THEMIS: variants seen among roughly 807,000 people sequenced by gnomAD.
THEMIS encodes thymocyte selection associated.
Under a neutral mutation model 52.6 loss-of-function variants are expected in THEMIS, and 37 were observed. The ratio of observed to expected loss-of-function variants is 0.70; its 90% confidence interval spans 0.54 to 0.93. The LOEUF is 0.93. Ranked by LOEUF, THEMIS falls within the 40% of genes least tolerant of loss-of-function variation. The probability of loss-of-function intolerance (pLI) is 0.00; values close to 1 mark genes in which losing one functional copy is unlikely to be tolerated. For missense variants in THEMIS, 808 were observed against 763.1 expected (o/e 1.06, Z -0.69); for synonymous variants, 292 against 272.7 (o/e 1.07, Z -0.70).
intron 2 of THEMIS, among the ~76,000 whole-genome samples, chr6:127,851,547 T>TA (rs1779425855): frequency 6.6e-6 from 1 of 151,670 alleles, no homozygotes; most frequent in Non-Finnish European, 1.5e-5. Context: ...AACAGACACC[T>TA]CACCAAAGAA....
intron 1 of THEMIS, among the ~76,000 whole-genome samples, chr6:127,899,942 G>T (rs1208990245): frequency 6.8e-6 from 1 of 147,842 alleles, no homozygotes; most frequent in Non-Finnish European, 1.5e-5. Context: ...ATAAAAACTG[G>T]AGCTGACGTG....
At chr6:127,881,361 A>C (rs982281743) in intron 1 of THEMIS, among the ~76,000 whole-genome samples, 20 of 152,136 alleles carry the variant, frequency 1.3e-4, no homozygotes, top group African/African-American at 4.8e-4. Flanking sequence ...GCAGATAATA[A>C]AAAATAAAAT....
intron 4 of THEMIS, among the ~76,000 whole-genome samples, chr6:127,757,463 T>TA (rs1249251723): frequency 1.3e-5 from 2 of 152,108 alleles, no homozygotes; most frequent in Non-Finnish European, 2.9e-5. Flanking sequence ...GTGAAAGTGA[T>TA]ACATGTCACA....
At chr6:127,895,656 T>G (rs2114486838) in intron 1 of THEMIS, among the ~76,000 whole-genome samples, 1 of 151,630 alleles carries the variant, frequency 6.6e-6, no homozygotes, top group Admixed American at 6.6e-5. Flanking sequence ...TTTATTCTCT[T>G]GTTTAAATGA....
At chr6:127,905,158 C>T (rs1388507292), upstream of THEMIS, among the ~76,000 whole-genome samples, 1 of 151,910 alleles carries the variant, frequency 6.6e-6, no homozygotes, top group African/African-American at 2.4e-5. Flanking sequence ...GCCAACACCA[C>T]CAAGGAGGAT....
At chr6:127,868,751 T>G in intron 1 of THEMIS, among the ~76,000 whole-genome samples, 1 of 152,288 alleles carries the variant, frequency 6.6e-6, no homozygotes, top group Middle Eastern at 3.4e-3. Flanking sequence ...GTTTTTCATA[T>G]AGTGGTTGGC....
chr6:127,819,269 C>T (rs1044064153), intron 3 of THEMIS, among the ~76,000 whole-genome samples: 2 of 148,784 alleles, frequency 1.3e-5, no homozygotes, highest in Non-Finnish European at 3.0e-5. Context: ...ACTTACCAAA[C>T]CAAAAAAGAA....
At chr6:127,710,809 T>G (rs766656448) in intron 5 of THEMIS, among the ~76,000 whole-genome samples, 54 of 151,648 alleles carry the variant, frequency 3.6e-4, no homozygotes, top group Non-Finnish European at 6.8e-4. Context: ...AAACCAGAAA[T>G]CTCTCTGACC....
chr6:127,746,347 A>G (rs1389319852), intron 4 of THEMIS, among the ~76,000 whole-genome samples: 1 of 151,816 alleles, frequency 6.6e-6, no homozygotes, highest in Non-Finnish European at 1.5e-5. Flanking sequence ...AGGAGGAAGC[A>G]AAGAACAATT....
At chr6:127,889,947 T>G (rs761856036) in intron 1 of THEMIS, among the ~76,000 whole-genome samples, 4 of 152,070 alleles carry the variant, frequency 2.6e-5, no homozygotes, top group African/African-American at 4.8e-5. Flanking sequence ...GCAGGCCCTA[T>G]CAAGAAGAAA....
In THEMIS at chr6:127,760,683, C is replaced by T. The variant is rs1031592222; in HGVS notation, c.1759-40860G>A. The stretch of plus-strand genomic sequence containing the variant: ...TCTAGGTACTAGAGTGGCTGAGGCC[C>T]GGAGGATGATTTGGGACCAGGAGTT... On this transcript the variant is annotated intron_variant, in intron 4 of 5. Transcript: ENST00000368248. 1.2e-4 allele frequency among the ~76,000 whole-genome samples: 18 copies of T among 151,790 alleles called. 1 individual carries two copies. The highest frequency in any genetic ancestry group is 6.6e-5 in the Admixed American group (1 of 15,210).
chr6:127,868,088 A>T (rs1371220273), intron 1 of THEMIS, among the ~76,000 whole-genome samples: 1 of 152,164 alleles, frequency 6.6e-6, no homozygotes, highest in East Asian at 1.9e-4. Context: ...TAAAATAAAG[A>T]TAGTGCCTCA....
At chr6:127,857,628 G>C (rs1779661415) in intron 1 of THEMIS, among the ~76,000 whole-genome samples, 1 of 152,028 alleles carries the variant, frequency 6.6e-6, no homozygotes, top group Non-Finnish European at 1.5e-5. Flanking sequence ...TTTAAGGACA[G>C]GTCATTTGTA....
rs944563357 is a variant in THEMIS, at chr6:127,809,360, T to G, written c.1758+3523A>C. 4.6e-5 allele frequency among the ~76,000 whole-genome samples: 7 copies of G among 152,154 alleles called. No individual in the cohort carries two copies. The East Asian group carries it at 1.3e-3, about 29-fold the overall frequency. ...TGACTTTGTGAGAATAAGAAATATT[T>G]GCAAAATTTTTGGAGTAGATTATGA... is the stretch of plus-strand genomic sequence containing the variant. On this transcript the variant is annotated intron_variant, in intron 4 of 5. Transcript: ENST00000368248.
intron 4 of THEMIS, among the ~76,000 whole-genome samples, chr6:127,784,587 CAG>C (rs1416780893): frequency 6.6e-5 from 10 of 152,114 alleles, no homozygotes; most frequent in Non-Finnish European, 1.5e-4. Flanking sequence ...GCAGGCCAAT[CAG>C]GGGAAACAAA....
At chr6:127,778,607 G>C (rs1028827015) in intron 4 of THEMIS, among the ~76,000 whole-genome samples, 27 of 152,188 alleles carry the variant, frequency 1.8e-4, no homozygotes, top group African/African-American at 6.5e-4. Context: ...CCCATTTAAA[G>C]CAGGCAGACA....
At position 127,829,894 on chromosome 6, in the gene THEMIS, A is replaced by G. The variant is rs1187290132; in HGVS notation, c.291T>C (p.Thr97=). ...GAATGGTCCTTGTGATTTCTTCCAT[A>G]GTAAGGTATGGAGTTTTATCAGCCA... ...KIVADKTPYL[T]MEEITRTIHI... Residue 97 remains threonine, a synonymous_variant, in exon 3 of 6, where the codon ACT becomes ACC. Transcript: ENST00000368248. 2 of 1,613,858 alleles carry G rather than the reference A, an allele frequency of 1.2e-6. No individual in the cohort carries two copies. Among genetic ancestry groups the G allele is most frequent in the Non-Finnish European group, 1.7e-6 (2 of 1,179,916 alleles).
chr6:127,825,518 C>G (rs946494284), intron 3 of THEMIS, among the ~76,000 whole-genome samples: 2 of 152,064 alleles, frequency 1.3e-5, no homozygotes, highest in Non-Finnish European at 2.9e-5. Flanking sequence ...ATTCATGCAC[C>G]GTTCTCAGGA....
At chr6:127,755,758 C>T (rs562561124) in intron 4 of THEMIS, among the ~76,000 whole-genome samples, 17 of 152,154 alleles carry the variant, frequency 1.1e-4, no homozygotes, top group African/African-American at 3.1e-4. Flanking sequence ...TTCAGTTGAA[C>T]GCAGTGGCTC....
Sources: gnomAD v4.1 joint callset for allele counts (sites outside exome capture counted in the v4.1 genomes callset) on GRCh38, gnomAD v4.1.1 for gene constraint, MANE v1.5 for transcripts, NCBI Gene and HGNC (gene_info 2026-07-23, HGNC 2026-07-21) for gene names.